Variants in ROBO2 observed in about 807,000 individuals in gnomAD.
The protein encoded by ROBO2 is roundabout guidance receptor 2.
ROBO2 carries 53 observed loss-of-function variants against 160.8 expected under a neutral mutation model. The ratio of observed to expected loss-of-function variants is 0.33; its 90% CI spans 0.26 to 0.41. The LOEUF (loss-of-function observed/expected upper bound fraction) is 0.41, where lower values mean the gene tolerates loss of function less well. Ranked by LOEUF, ROBO2 falls within the 10% of genes least tolerant of loss-of-function variation. The pLI, the probability that ROBO2 is intolerant of heterozygous loss-of-function variation, is 1.00. For synonymous variants in ROBO2, 664 were observed against 611.7 expected (o/e 1.09, Z -1.26); for missense variants, 1,577 against 1,722.4 (o/e 0.92, Z 1.49).
intron 2 of ROBO2, among the ~76,000 whole-genome samples, chr3:76,895,623 CACTTTCCTTTGG>C: frequency 6.6e-6 from 1 of 152,186 alleles, no homozygotes; most frequent in African/African-American, 2.4e-5. Context: ...AAGGAAATCT[CACTTTCCTTTGG>C]ACTCATAACT....
chr3:76,472,795 A>G (rs544545646), intron 2 of ROBO2, among the ~76,000 whole-genome samples: 1 of 152,336 alleles, frequency 6.6e-6, no homozygotes, highest in African/African-American at 2.4e-5. Context: ...CAAGCAAAAT[A>G]GAGCTGGGCT....
intron 2 of ROBO2, among the ~76,000 whole-genome samples, chr3:76,558,711 A>C (rs1459812849): frequency 6.6e-6 from 1 of 152,132 alleles, no homozygotes; most frequent in Non-Finnish European, 1.5e-5. Context: ...GTTTAGACAA[A>C]CAATAACTGT....
At chr3:77,270,529 G>A (rs1288031645) in intron 2 of ROBO2, among the ~76,000 whole-genome samples, 1 of 151,004 alleles carries the variant, frequency 6.6e-6, no homozygotes, top group Non-Finnish European at 1.5e-5. Context: ...GATTGCTGTT[G>A]GTTTTTTTAA....
chr3:76,059,863 C>G (rs1265423771), intron 2 of ROBO2, among the ~76,000 whole-genome samples: 1 of 152,170 alleles, frequency 6.6e-6, no homozygotes, highest in Non-Finnish European at 1.5e-5. Flanking sequence ...CAGCTTTCTA[C>G]ATATGGCTAG....
intron 2 of ROBO2, among the ~76,000 whole-genome samples, chr3:76,952,952 C>T (rs1035445281): frequency 6.6e-6 from 1 of 152,078 alleles, no homozygotes; most frequent in Admixed American, 6.5e-5. Flanking sequence ...ACATCAGAGA[C>T]TTTTGACAGT....
chr3:76,530,026 C>T (rs867991394), intron 2 of ROBO2, among the ~76,000 whole-genome samples: 3 of 152,110 alleles, frequency 2.0e-5, no homozygotes, highest in South Asian at 2.1e-4. Context: ...AGCACTTGGG[C>T]AGACACTCTC....
At chr3:75,925,239 A>G (rs914800495) in intron 1 of ROBO2, among the ~76,000 whole-genome samples, 6 of 151,942 alleles carry the variant, frequency 3.9e-5, no homozygotes, top group Admixed American at 6.6e-5. Context: ...CAAAAAATAC[A>G]AAAACTAGGC....
intron 2 of ROBO2, among the ~76,000 whole-genome samples, chr3:76,410,844 G>A (rs2075450048): frequency 6.6e-6 from 1 of 152,154 alleles, no homozygotes; most frequent in Admixed American, 6.6e-5. Flanking sequence ...TGGATGAGAT[G>A]TGTGGAATGT....
intron 16 of ROBO2, among the ~76,000 whole-genome samples, chr3:77,580,862 G>A (rs1583076886): frequency 6.6e-6 from 1 of 151,992 alleles, no homozygotes; most frequent in East Asian, 1.9e-4. Flanking sequence ...AAATACCTAG[G>A]GTCTAATGTC....
chr3:77,143,168 CA>C (rs1374354988), intron 2 of ROBO2, among the ~76,000 whole-genome samples: 1 of 130,770 alleles, frequency 7.6e-6, no homozygotes, highest in Non-Finnish European at 1.6e-5. Context: ...TTTTCTTAAA[CA>C]GCAGCTTTTT....
intron 1 of ROBO2, among the ~76,000 whole-genome samples, chr3:75,933,947 C>T (rs1479334765): frequency 6.6e-6 from 1 of 152,188 alleles, no homozygotes; most frequent in African/African-American, 2.4e-5. Flanking sequence ...GGGTATTACT[C>T]TAGGCTCCAT....
chr3:77,617,609 A>G, exon 22 of ROBO2: 1 of 1,614,190 alleles, frequency 6.2e-7, no homozygotes, highest in Non-Finnish European at 8.5e-7. Flanking sequence ...ATAGGGTCCC[A>G]ACACCTCCTG....
chr3:76,534,410 T>C (rs976955934), intron 2 of ROBO2, among the ~76,000 whole-genome samples: 2 of 152,164 alleles, frequency 1.3e-5, no homozygotes, highest in African/African-American at 2.4e-5. Context: ...TTTGTCCCCA[T>C]TTCCCATCAT....
At chr3:76,602,390 C>T (rs554841339) in intron 2 of ROBO2, among the ~76,000 whole-genome samples, 30 of 152,214 alleles carry the variant, frequency 2.0e-4, no homozygotes, top group East Asian at 1.7e-3. Flanking sequence ...TTAGTGTATT[C>T]GTTCGTTTTC....
At chr3:76,994,997 C>A (rs1189040501) in intron 2 of ROBO2, among the ~76,000 whole-genome samples, 1 of 151,676 alleles carries the variant, frequency 6.6e-6, no homozygotes, top group Non-Finnish European at 1.5e-5. Flanking sequence ...ATGTGCACAA[C>A]GTGCAGGTTT....
chr3:77,517,488 A>G (rs181879970), intron 5 of ROBO2, among the ~76,000 whole-genome samples: 106 of 151,692 alleles, frequency 7.0e-4, no homozygotes, highest in Admixed American at 4.6e-4. Context: ...ATGAGAAGCC[A>G]TTGGATAGTT....
intron 2 of ROBO2, among the ~76,000 whole-genome samples, chr3:77,240,048 G>T (rs147087625): frequency 0.016 from 2,499 of 152,292 alleles, 34 homozygotes; most frequent in Non-Finnish European, 0.026. Flanking sequence ...TCCCATGCCA[G>T]GGCCATAGGC....
At chr3:76,057,968 C>T (rs1031697494) in intron 2 of ROBO2, among the ~76,000 whole-genome samples, 15 of 151,994 alleles carry the variant, frequency 9.9e-5, no homozygotes, top group South Asian at 4.1e-4. Flanking sequence ...CTGCCTTTAC[C>T]GTGTGTTTGT....
At chr3:76,062,606 G>C (rs1449026873) in intron 2 of ROBO2, among the ~76,000 whole-genome samples, 1 of 152,166 alleles carries the variant, frequency 6.6e-6, no homozygotes, top group Non-Finnish European at 1.5e-5. Context: ...TTATAGGCCT[G>C]TGTTCTAGAT....
Sources: gnomAD v4.1 joint callset for allele counts (sites outside exome capture counted in the v4.1 genomes callset) on GRCh38, gnomAD v4.1.1 for gene constraint, MANE v1.5 for transcripts, NCBI Gene and HGNC (gene_info 2026-07-23, HGNC 2026-07-21) for gene names.